SCEL: variants seen among roughly 807,000 people sequenced by gnomAD.
SCEL encodes the protein sciellin.
Under a neutral mutation model 117.6 loss-of-function variants are expected in SCEL, and 113 were observed. The ratio of observed to expected loss-of-function variants is 0.96; its 90% CI spans 0.83 to 1.12. SCEL has a LOEUF of 1.12. Ranked by LOEUF, SCEL falls within the 50% of genes most tolerant of loss-of-function variation. SCEL has a pLI of 0.00. For missense variants in SCEL, 785 were observed against 810.8 expected, an observed-to-expected ratio of 0.97 and a Z score of 0.39; for synonymous variants, 270 against 256.2, an observed-to-expected ratio of 1.05 and a Z score of -0.51.
At chr13:77,551,915 A>G (rs1243999192) in intron 1 of SCEL, among the ~76,000 whole-genome samples, 5 of 136,340 alleles carry the variant, frequency 3.7e-5, no homozygotes, top group African/African-American at 5.6e-5. Context: ...TCATTGTTCA[A>G]TTCCCATCTA....
chr13:77,629,759 T>C (rs1425410068), intron 28 of SCEL, among the ~76,000 whole-genome samples: 1 of 152,140 alleles, frequency 6.6e-6, no homozygotes, highest in Admixed American at 6.6e-5. Context: ...AATACTTAGG[T>C]TCAATAAAGT....
intron 28 of SCEL, among the ~76,000 whole-genome samples, chr13:77,628,673 C>A (rs995646328): frequency 6.6e-6 from 1 of 152,154 alleles, no homozygotes; most frequent in African/African-American, 2.4e-5. Context: ...TTACCATTTT[C>A]ACCTTCATAG....
chr13:77,643,879 G>A (rs1006064829), intron 32 of SCEL, among the ~76,000 whole-genome samples: 3 of 152,050 alleles, frequency 2.0e-5, no homozygotes, highest in Non-Finnish European at 4.4e-5. Flanking sequence ...GTTATATAAT[G>A]GGTCTTGATG....
intron 1 of SCEL, among the ~76,000 whole-genome samples, chr13:77,550,096 A>G (rs1174969718): frequency 6.6e-6 from 1 of 151,702 alleles, no homozygotes; most frequent in Non-Finnish European, 1.5e-5. Flanking sequence ...TTTAAAAAAT[A>G]TATTCACAGC....
intron 9 of SCEL, among the ~76,000 whole-genome samples, chr13:77,577,826 T>C (rs957638615): frequency 3.9e-5 from 6 of 152,174 alleles, no homozygotes; most frequent in Admixed American, 6.5e-5. Context: ...TGTTGGCTGA[T>C]GTTTCTCTGC....
intron 5 of SCEL, 31 bp downstream of exon 5, chr13:77,563,930 T>G (rs779616460): frequency 7.4e-7 from 1 of 1,353,326 alleles, no homozygotes; most frequent in East Asian, 2.5e-5. Context: ...ATAAATGGAA[T>G]GCATAACATA....
At chr13:77,565,238 C>T (rs1413333322) in intron 5 of SCEL, among the ~76,000 whole-genome samples, 2 of 152,184 alleles carry the variant, frequency 1.3e-5, no homozygotes, top group East Asian at 1.9e-4. Flanking sequence ...ATTAGTACCA[C>T]TGAGTGGGCT....
At chr13:77,624,411 T>C (rs1162048951) in intron 27 of SCEL, among the ~76,000 whole-genome samples, 1 of 152,110 alleles carries the variant, frequency 6.6e-6, no homozygotes, top group Admixed American at 6.6e-5. Flanking sequence ...GCCAGAAAAC[T>C]GTCTTCACTT....
intron 15 of SCEL, among the ~76,000 whole-genome samples, chr13:77,601,508 G>A (rs1033185910): frequency 3.3e-5 from 5 of 152,034 alleles, no homozygotes; most frequent in African/African-American, 7.2e-5. Context: ...TTTCATATTC[G>A]CTAATAATTT....
Position 77,587,251 on chromosome 13 carries a change from T to G in SCEL, c.546-1893T>G, listed in dbSNP as rs1302770367. Among the ~76,000 whole-genome samples, 6 of 152,044 alleles carry G rather than the reference T, an allele frequency of 3.9e-5. No individual in the cohort carries two copies. The East Asian group carries it at 1.2e-3, about 29-fold the overall frequency. On this transcript the variant is annotated intron_variant, in intron 9 of 32. Transcript: ENST00000349847. ...TCTAGTTCTTTCCCTCTTGCTGCTGTGAATGAGCCCTCTGTACTTCCATCT... is the reference window on the plus strand; with the variant it reads ...TCTAGTTCTTTCCCTCTTGCTGCTGGGAATGAGCCCTCTGTACTTCCATCT...
chr13:77,581,472 G>A (rs2086257722), intron 9 of SCEL, among the ~76,000 whole-genome samples: 1 of 152,146 alleles, frequency 6.6e-6, no homozygotes. Flanking sequence ...CAAATGCAAA[G>A]CATCGCTGCT....
At chr13:77,567,022 G>A (rs1012859415) in intron 5 of SCEL, among the ~76,000 whole-genome samples, 33 of 151,994 alleles carry the variant, frequency 2.2e-4, no homozygotes, top group African/African-American at 7.0e-4. Flanking sequence ...TAAAAAAAAA[G>A]CCAAGTAGTT....
rs755587692 is a variant in SCEL, at chr13:77,617,662, A to G, written c.1511+4A>G. The G allele has an allele frequency of 2.5e-6, 4 of 1,578,324 alleles. No homozygotes were observed. Among genetic ancestry groups the G allele is most frequent in the Non-Finnish European group, 3.5e-6 (4 of 1,153,442 alleles). ...AAATTTTCACAAACAACCAAAGGTA[A>G]TAAAACTATGTTGTTTTAATGTACT... On this transcript the variant is annotated splice_donor_region_variant and intron_variant, in intron 25 of 32. Transcript: ENST00000349847.
chr13:77,595,703 T>C (rs1359232070), intron 12 of SCEL, among the ~76,000 whole-genome samples: 3 of 152,162 alleles, frequency 2.0e-5, no homozygotes, highest in Admixed American at 1.3e-4. Context: ...GAAACAGTAA[T>C]GGGTTACTGT....
intron 4 of SCEL, among the ~76,000 whole-genome samples, chr13:77,560,962 G>T (rs1167261414): frequency 6.6e-6 from 1 of 152,146 alleles, no homozygotes; most frequent in Non-Finnish European, 1.5e-5. Context: ...TTTCATAATT[G>T]TGACCTGTTT....
intron 29 of SCEL, among the ~76,000 whole-genome samples, chr13:77,635,029 T>A (rs2090207100): frequency 6.6e-6 from 1 of 152,114 alleles, no homozygotes. Context: ...ACAATAATGG[T>A]GGGGCACACA....
At chr13:77,541,969 G>A (rs1035730663) in intron 1 of SCEL, among the ~76,000 whole-genome samples, 7 of 152,190 alleles carry the variant, frequency 4.6e-5, no homozygotes, top group East Asian at 1.9e-4. Context: ...ACTGAAAATA[G>A]CCCCTGATGG....
chr13:77,635,765 A>T (rs2090248922), intron 29 of SCEL, among the ~76,000 whole-genome samples: 1 of 152,158 alleles, frequency 6.6e-6, no homozygotes, highest in African/African-American at 2.4e-5. Context: ...TATACTGAAT[A>T]CCCTGTACAT....
intron 27 of SCEL, among the ~76,000 whole-genome samples, chr13:77,623,077 A>G (rs2089511782): frequency 6.6e-6 from 1 of 152,238 alleles, no homozygotes; most frequent in South Asian, 2.1e-4. Flanking sequence ...ATTTGGCTGC[A>G]TTTCTATAAA....
Sources: gnomAD v4.1 joint callset for allele counts (sites outside exome capture counted in the v4.1 genomes callset) on GRCh38, gnomAD v4.1.1 for gene constraint, MANE v1.5 for transcripts, NCBI Gene and HGNC (gene_info 2026-07-23, HGNC 2026-07-21) for gene names.